ALG9: variants seen among roughly 807,000 people sequenced by gnomAD.
The protein encoded by ALG9 is alpha-1,2-mannosyltransferase ALG9.
In ALG9, 55 loss-of-function variants were observed where a neutral mutation model predicts 81.8. The ratio of observed to expected loss-of-function variants is 0.67; its 90% confidence interval spans 0.54 to 0.84. The LOEUF (loss-of-function observed/expected upper bound fraction) is 0.84. Ranked by LOEUF, ALG9 falls within the 40% of genes least tolerant of loss-of-function variation. The pLI is 0.00. For missense variants in ALG9, 629 were observed against 745.0 expected (o/e 0.84, Z 1.81); for synonymous variants, 278 against 274.3 (o/e 1.01, Z -0.13).
Position 111,840,672 on chromosome 11 carries a change from C to A in ALG9, c.1156G>T (p.Ala386Ser). The A allele has an allele frequency of 9.9e-6, 16 of 1,613,740 alleles. No homozygotes were observed. The highest frequency in any genetic ancestry group is 1.3e-5 in the Non-Finnish European group (15 of 1,179,920). The change falls in exon 10 of 15, where the codon GCT (alanine) becomes TCT (serine). Residue 386 changes from alanine (A) to serine (S), a missense_variant. Ala to Ser is a moderately conservative substitution (Grantham distance 99, BLOSUM62 1). Coordinates refer to ENST00000616540, the MANE Select transcript of ALG9 (RefSeq NM_024740.2). ...YPLICLCGAV[A>S]LSALQHSFLY... ...AAACTCACCTGAAGTGCAGAGAGAG[C>A]CACAGCGCCACAGAGACATATAAGT... is the stretch of plus-strand genomic sequence containing the variant.
At chr11:111,811,440 G>A (rs186679114) in intron 13 of ALG9, among the ~76,000 whole-genome samples, 164 of 151,828 alleles carry the variant, frequency 1.1e-3, no homozygotes, top group East Asian at 9.7e-3. Context: ...CTACTTGGGA[G>A]GCTGAGGCAG....
chr11:111,778,333 T>C (rs996327983), downstream of ALG9: 2 of 152,228 alleles, frequency 1.3e-5, no homozygotes, highest in African/African-American at 2.4e-5. Context: ...ATTATAGTCA[T>C]TCATTCTTTT....
intron 13 of ALG9, among the ~76,000 whole-genome samples, chr11:111,811,388 C>T (rs1950686313): frequency 6.6e-6 from 1 of 151,886 alleles, no homozygotes; most frequent in African/African-American, 2.4e-5. Flanking sequence ...ACTAAAAATA[C>T]AGAAATTAGC....
Position 111,836,145 on chromosome 11 carries a change from G to A in ALG9, c.1602+20C>T. 1 of 1,613,600 alleles carries A rather than the reference G, an allele frequency of 6.2e-7. No individual in the cohort carries two copies. Among genetic ancestry groups the A allele is most frequent in the East Asian group, 2.2e-5 (1 of 44,878 alleles). ...CATAGAATTCTTTTCAGAGAAGCAA[G>A]AAGAGAATGTAGCCCTTACATATCT... On this transcript the variant is annotated intron_variant, in intron 13 of 14. Coordinates refer to ENST00000616540, the MANE Select transcript of ALG9 (RefSeq NM_024740.2).
In ALG9 at chr11:111,783,473, T is replaced by C. The variant is rs1451588161; in HGVS notation, c.*2924A>G. The C allele has an allele frequency of 6.6e-6, 1 of 151,926 alleles. No homozygotes were observed. The highest frequency in any genetic ancestry group is 1.5e-5 in the Non-Finnish European group (1 of 68,008). 9.4% of individuals were successfully genotyped at this position (151,926 alleles called of 1,614,324 possible). ...ACTCTGTCTCGGGGAAAAAAAATAA[T>C]AATCTGTAGTCCCACATCCCTCTAT... On this transcript the variant is annotated 3_prime_UTR_variant, in exon 15 of 15. Coordinates refer to ENST00000616540, the MANE Select transcript of ALG9 (RefSeq NM_024740.2).
chr11:111,852,266 A>C (rs1957943998), intron 8 of ALG9, among the ~76,000 whole-genome samples: 1 of 152,198 alleles, frequency 6.6e-6, no homozygotes, highest in African/African-American at 2.4e-5. Flanking sequence ...TAATTATTTT[A>C]ATGAAAAAAC....
intron 14 of ALG9, among the ~76,000 whole-genome samples, chr11:111,806,520 T>G (rs1174750030): frequency 1.3e-5 from 2 of 152,196 alleles, no homozygotes; most frequent in Non-Finnish European, 2.9e-5. Context: ...CTCCTGGGTT[T>G]CCTACTACTT....
chr11:111,817,698 C>T (rs561817297), intron 13 of ALG9, among the ~76,000 whole-genome samples: 10 of 152,034 alleles, frequency 6.6e-5, no homozygotes, highest in Middle Eastern at 3.4e-3. Flanking sequence ...AAGTGATCCA[C>T]CTGCCTCTAC....
intron 14 of ALG9, among the ~76,000 whole-genome samples, chr11:111,787,371 T>G (rs1391478912): frequency 6.6e-6 from 1 of 152,024 alleles, no homozygotes; most frequent in Non-Finnish European, 1.5e-5. Flanking sequence ...AGGTGGAAGT[T>G]GCAGTGAACC....
In ALG9 at chr11:111,838,395, C is replaced by T. The variant is rs782333169; in HGVS notation, c.1178G>A (p.Ser393Asn). ...GAVALSALQHSFLYFQKCYHF... is the reference protein window; with the variant it reads ...GAVALSALQHNFLYFQKCYHF... ...GTAACATTTCTGGAAGTACAGAAAA[C>T]TGTGCTGATAAAAGAAAATATAATT... The change falls in exon 11 of 15, where the codon AGT becomes AAT. Residue 393 changes from serine to asparagine, a missense_variant. Coordinates refer to ENST00000616540, the MANE Select transcript of ALG9 (RefSeq NM_024740.2). The T allele has an allele frequency of 1.2e-6, 2 of 1,610,200 alleles. No individual in the cohort carries two copies. The highest frequency in any genetic ancestry group is 1.7e-6 in the Non-Finnish European group (2 of 1,176,496).
At chr11:111,795,432 T>C (rs1011055878) in intron 14 of ALG9, among the ~76,000 whole-genome samples, 1 of 152,100 alleles carries the variant, frequency 6.6e-6, no homozygotes, top group African/African-American at 2.4e-5. Flanking sequence ...CAAGGGGGCA[T>C]GGAAGGCGTG....
chr11:111,839,748 A>G (rs1955924433), intron 10 of ALG9, among the ~76,000 whole-genome samples: 1 of 152,206 alleles, frequency 6.6e-6, no homozygotes, highest in Non-Finnish European at 1.5e-5. Context: ...TATCTGCAAT[A>G]AAGTTCAATT....
intron 14 of ALG9, among the ~76,000 whole-genome samples, chr11:111,788,273 G>C (rs563208567): frequency 6.6e-6 from 1 of 152,318 alleles, no homozygotes; most frequent in African/African-American, 2.4e-5. Flanking sequence ...ACCTCTTAGA[G>C]ATTCTTCCCA....
intron 13 of ALG9, among the ~76,000 whole-genome samples, chr11:111,821,670 C>G (rs1384051019): frequency 6.6e-6 from 1 of 151,692 alleles, no homozygotes; most frequent in Non-Finnish European, 1.5e-5. Context: ...GAGTCTCGCT[C>G]TGTTGCCCAG....
chr11:111,786,353 A>G lies in ALG9; in HGVS notation c.*44T>C. On this transcript the variant is annotated 3_prime_UTR_variant, in exon 15 of 15. Transcript: ENST00000616540. ...TGCAGGGAGTCAGGTCACTGGAATC[A>G]ATAGTTAACAAGATGGTTGTCCTTT... The G allele has an allele frequency of 6.2e-7, 1 of 1,612,668 alleles. No homozygotes were observed. Among genetic ancestry groups the G allele is most frequent in the Non-Finnish European group, 8.5e-7 (1 of 1,179,120 alleles).
In ALG9 at chr11:111,837,541, C is replaced by G. The variant is rs782023699; in HGVS notation, c.1399G>C (p.Glu467Gln). Residue 467 changes from glutamate (E) to glutamine (Q), a missense_variant, in exon 12 of 15, where the codon GAA becomes CAA. By Grantham distance (29) the Glu-to-Gln change is conservative. Transcript: ENST00000616540. ...ATDPTIHTVP[E>Q]GRPVNVCVGK... ...ACACAGACATTCACAGGTCTGCCTT[C>G]TGGGACAGTGTGGATGGTTGGGTCT... The G allele has an allele frequency of 6.2e-7, 1 of 1,614,082 alleles. No homozygotes were observed. Among genetic ancestry groups the G allele is most frequent in the Admixed American group, 1.7e-5 (1 of 60,022 alleles).
the ALG9 span, among the ~76,000 whole-genome samples, chr11:111,769,791 A>G: frequency 6.6e-6 from 1 of 152,220 alleles, no homozygotes; most frequent in African/African-American, 2.4e-5. Context: ...AAATACAAAT[A>G]TGCTTTGCTT....
chr11:111,859,143 C>T (rs1044308275), intron 5 of ALG9, among the ~76,000 whole-genome samples: 2 of 152,156 alleles, frequency 1.3e-5, no homozygotes, highest in African/African-American at 4.8e-5. Flanking sequence ...GAATTCAAGG[C>T]TGCAGTGAGC....
At chr11:111,831,771 T>C (rs781840409) in intron 13 of ALG9, among the ~76,000 whole-genome samples, 2 of 152,254 alleles carry the variant, frequency 1.3e-5, no homozygotes, top group African/African-American at 4.8e-5. Flanking sequence ...TTCTTTTTAC[T>C]GGTTAAACTG....
Sources: allele counts gnomAD v4.1 joint callset (sites outside exome capture counted in the v4.1 genomes callset), GRCh38; gene constraint gnomAD v4.1.1; transcripts MANE v1.5; gene names NCBI Gene and HGNC (gene_info 2026-07-23, HGNC 2026-07-21).